Variants in PCDH19 observed in about 807,000 individuals in gnomAD.
PCDH19 encodes protocadherin-19.
A neutral mutation model predicts 46.2 loss-of-function variants in PCDH19; 6 were observed. The ratio of observed to expected loss-of-function variants is 0.13; its 90% CI spans 0.07 to 0.26. The LOEUF (loss-of-function observed/expected upper bound fraction) is 0.26. Among genes scored for constraint, PCDH19 ranks in the 10% least tolerant of loss-of-function variants. PCDH19 has a pLI of 1.00. For missense variants in PCDH19, 740 were observed against 972.3 expected (o/e 0.76, Z 3.18); for synonymous variants, 481 against 415.7 (o/e 1.16, Z -1.91).
At position 100,409,105 on chromosome X, in the gene PCDH19, C is replaced by T. The variant is rs1928511012; in HGVS notation, c.-508G>A. ...GCTGGCGAACTCGCTGTCTGTGCAC[C>T]TGGCATGCGCAAAGACCTCCCCCCA... is the stretch of plus-strand genomic sequence containing the variant. On this transcript the variant is annotated 5_prime_UTR_variant, in exon 1 of 6. Coordinates refer to ENST00000373034, the MANE Select transcript of PCDH19 (RefSeq NM_001184880.2). The T allele has an allele frequency of 8.9e-6, 1 of 112,988 alleles. No homozygotes were observed. Among genetic ancestry groups the T allele is most frequent in the South Asian group, 3.7e-4 (1 of 2,718 alleles). The allele number at this position is 112,988 out of a possible 1,213,427, so 9.3% of individuals were successfully genotyped here. A position where few individuals can be genotyped will look rare whatever the true frequency, so the allele number is the denominator to read the frequency against.
At chrX:100,303,448 T>G (rs775340593) in intron 5 of PCDH19, among the ~76,000 whole-genome samples, 1 of 112,073 alleles carries the variant, frequency 8.9e-6, no homozygotes, top group Non-Finnish European at 1.9e-5. Flanking sequence ...AAATATCTGT[T>G]ATGTATCTAG....
chrX:100,343,663 A>T (rs2147486624), intron 4 of PCDH19, among the ~76,000 whole-genome samples: 1 of 112,029 alleles, frequency 8.9e-6, no homozygotes, highest in East Asian at 2.8e-4. Context: ...CATGAACCAT[A>T]AATTATGCAT....
At chrX:100,304,071 T>C (rs1392111053) in intron 5 of PCDH19, among the ~76,000 whole-genome samples, 1 of 112,311 alleles carries the variant, frequency 8.9e-6, no homozygotes, top group Non-Finnish European at 1.9e-5. Flanking sequence ...CTGCAGCTGA[T>C]ACACTCTTGA....
At chrX:100,373,101 G>A (rs933798994) in intron 3 of PCDH19, among the ~76,000 whole-genome samples, 1 of 112,338 alleles carries the variant, frequency 8.9e-6, no homozygotes, top group African/African-American at 3.2e-5. Flanking sequence ...CTCCGCCTCC[G>A]GGGTTCAAGC....
At chrX:100,333,404 A>G (rs1282951756) in intron 5 of PCDH19, among the ~76,000 whole-genome samples, 1 of 111,525 alleles carries the variant, frequency 9.0e-6, no homozygotes, top group African/African-American at 3.3e-5. Context: ...TTTATCTAGC[A>G]TACTATGTTG....
intron 4 of PCDH19, among the ~76,000 whole-genome samples, chrX:100,342,705 C>T (rs752866036): frequency 8.9e-6 from 1 of 112,119 alleles, no homozygotes; most frequent in South Asian, 3.7e-4. Flanking sequence ...GTCTACTAAC[C>T]AACTGTAAAA....
chrX:100,325,369 C>CTTTT (rs72174481), intron 5 of PCDH19, among the ~76,000 whole-genome samples: 1 of 81,407 alleles, frequency 1.2e-5, no homozygotes, highest in Non-Finnish European at 2.3e-5. Context: ...CTATAATGAT[C>CTTTT]TTTTTTTTTT....
chrX:100,372,465 T>A (rs1156391919), intron 3 of PCDH19, among the ~76,000 whole-genome samples: 1 of 112,138 alleles, frequency 8.9e-6, no homozygotes, highest in African/African-American at 3.2e-5. Flanking sequence ...GGAAGCTACC[T>A]TCTGATCATG....
At chrX:100,311,953 G>C (rs925229763) in intron 5 of PCDH19, among the ~76,000 whole-genome samples, 4 of 111,133 alleles carry the variant, frequency 3.6e-5, no homozygotes, top group Non-Finnish European at 7.6e-5. Context: ...ATATCTTTCT[G>C]GAAGCTAATA....
chrX:100,351,489 G>T (rs1165340549), intron 3 of PCDH19, among the ~76,000 whole-genome samples: 2 of 112,574 alleles, frequency 1.8e-5, no homozygotes, highest in Non-Finnish European at 3.8e-5. Flanking sequence ...GAGAACTAGA[G>T]GGGAAAAGCC....
At position 100,409,286 on chromosome X, in the gene PCDH19, G is replaced by A. The variant is rs898633818; in HGVS notation, c.-689C>T. The stretch of plus-strand genomic sequence containing the variant: ...AAGCGCCGCGGGCACCCGGTTATAG[G>A]GTTGAGTCGGATGGCGGTCCCGGGG... On this transcript the variant is annotated 5_prime_UTR_variant, in exon 1 of 6. Coordinates refer to ENST00000373034, the MANE Select transcript of PCDH19 (RefSeq NM_001184880.2). The A allele has an allele frequency of 8.9e-6, 1 of 111,918 alleles. No homozygotes were observed. Among genetic ancestry groups the A allele is most frequent in the Admixed American group, 9.3e-5 (1 of 10,718 alleles). 9.2% of individuals were successfully genotyped at this position (111,918 alleles called of 1,213,427 possible).
In PCDH19 at chrX:100,334,388, T is replaced by C. The variant is rs1926017191; in HGVS notation, c.2848+7515A>G. ...TCCCCAGTTTTGCTCATATAGAGAC[T>C]TTTACAAATGTCTTCATACTCTTGC... On this transcript the variant is annotated intron_variant, in intron 5 of 5. Transcript: ENST00000373034. Among the ~76,000 whole-genome samples, 3 of 112,145 alleles carry C rather than the reference T, an allele frequency of 2.7e-5. No homozygotes were observed. The Admixed American group carries it at 2.8e-4, about 11-fold the overall frequency.
At chrX:100,364,029 T>G (rs1055382796) in intron 3 of PCDH19, among the ~76,000 whole-genome samples, 9 of 111,002 alleles carry the variant, frequency 8.1e-5, no homozygotes, top group Middle Eastern at 4.7e-3. Context: ...CTTCGACCCA[T>G]TTTCTTCCTT....
At chrX:100,359,840 C>T (rs764693815) in intron 3 of PCDH19, among the ~76,000 whole-genome samples, 1 of 110,063 alleles carries the variant, frequency 9.1e-6, no homozygotes, top group African/African-American at 3.3e-5. Flanking sequence ...TGTGTAATCT[C>T]CCACAAGCAA....
intron 5 of PCDH19, among the ~76,000 whole-genome samples, chrX:100,303,290 GAAGGAAGGAAGGAAGA>G (rs1005386770): frequency 9.1e-6 from 1 of 109,736 alleles, no homozygotes; most frequent in African/African-American, 3.3e-5. Flanking sequence ...GGAAATGGAA[GAAGGAAGGAAGGAAGA>G]AAGGAAGGAA....
At chrX:100,387,594 T>C (rs1927750961) in intron 3 of PCDH19, among the ~76,000 whole-genome samples, 1 of 112,023 alleles carries the variant, frequency 8.9e-6, no homozygotes, top group African/African-American at 3.2e-5. Context: ...ATCATTTCTA[T>C]AGTATTAAAT....
chrX:100,348,065 C>CAA (rs1177957771), intron 4 of PCDH19, among the ~76,000 whole-genome samples: 40 of 40,473 alleles, frequency 9.9e-4, no homozygotes, highest in Middle Eastern at 0.013. Context: ...GATTCCGTCT[C>CAA]AAAAAAAAAA....
In PCDH19 at chrX:100,322,865, A is replaced by ATATTTTT; in HGVS notation, c.2848+19037_2848+19038insAAAAATA. On this transcript the variant is annotated intron_variant, in intron 5 of 5. Coordinates refer to ENST00000373034, the MANE Select transcript of PCDH19 (RefSeq NM_001184880.2). ...TATATATATATATATATATATATAT[A>ATATTTTT]TTTTTGCAGCTATTGTAAAAGGGGT... Among the ~76,000 whole-genome samples the ATATTTTT allele has an allele frequency of 4.2e-4, 23 of 54,416 alleles. 1 individual carries two copies. Among genetic ancestry groups the ATATTTTT allele is most frequent in the African/African-American group, 1.3e-3 (15 of 11,907 alleles). The allele number at this position is 54,416 out of a possible 115,157, so 47.3% of individuals were successfully genotyped here.
chrX:100,348,065 CAAAAAAAAAA>C (rs1177957771), intron 4 of PCDH19, among the ~76,000 whole-genome samples: 8 of 40,612 alleles, frequency 2.0e-4, no homozygotes, highest in East Asian at 1.6e-3. Context: ...GATTCCGTCT[CAAAAAAAAAA>C]AAAAAAAAAA....
Sources: allele counts gnomAD v4.1 joint callset (sites outside exome capture counted in the v4.1 genomes callset), GRCh38; gene constraint gnomAD v4.1.1; transcripts MANE v1.5; gene names NCBI Gene and HGNC (gene_info 2026-07-23, HGNC 2026-07-21).